The following CDH4 variants were observed in gnomAD, a reference collection of about 807,000 sequenced individuals.
CDH4 encodes the protein cadherin-4.
CDH4 carries 33 observed loss-of-function variants against 86.0 expected under a neutral mutation model. The ratio of observed to expected loss-of-function variants is 0.38; its 90% CI spans 0.29 to 0.51. CDH4 has a LOEUF of 0.51. Ranked by LOEUF, CDH4 falls within the 20% of genes least tolerant of loss-of-function variation. CDH4 has a pLI of 0.86. For missense variants in CDH4, 1,114 were observed against 1,307.4 expected, an observed-to-expected ratio of 0.85 and a Z score of 2.28; for synonymous variants, 555 against 549.4, an observed-to-expected ratio of 1.01 and a Z score of -0.14.
At chr20:61,668,005 A>T (rs1360318356) in intron 2 of CDH4, among the ~76,000 whole-genome samples, 2 of 152,228 alleles carry the variant, frequency 1.3e-5, no homozygotes, top group Admixed American at 1.3e-4. Context: ...GGCTGGAAGC[A>T]CTTTGTTGCC....
intron 2 of CDH4, chr20:61,499,590 C>T: frequency 8.8e-7 from 1 of 1,142,238 alleles, no homozygotes; most frequent in Middle Eastern, 3.0e-4. Context: ...TGAGGTCACA[C>T]AGGGAGGAGG....
intron 2 of CDH4, among the ~76,000 whole-genome samples, chr20:61,470,392 C>A (rs372285939): frequency 4.9e-4 from 68 of 139,016 alleles, no homozygotes; most frequent in African/African-American, 1.6e-3. Context: ...GATTTTGTAT[C>A]CTGCAACTTC....
At chr20:61,345,858 G>A (rs754852249) in intron 2 of CDH4, among the ~76,000 whole-genome samples, 9 of 152,156 alleles carry the variant, frequency 5.9e-5, no homozygotes, top group East Asian at 1.9e-4. Context: ...GAGGAGAGGC[G>A]CTCTCCAAGG....
chr20:61,387,858 C>A (rs116137245), intron 2 of CDH4, among the ~76,000 whole-genome samples: 2 of 152,134 alleles, frequency 1.3e-5, no homozygotes, highest in African/African-American at 4.8e-5. Flanking sequence ...GGCCCCACCC[C>A]CCTCTGGCCC....
chr20:61,886,846 C>T (rs1357317043), intron 7 of CDH4, among the ~76,000 whole-genome samples: 2 of 152,188 alleles, frequency 1.3e-5, no homozygotes, highest in African/African-American at 4.8e-5. Context: ...GTTGGGGCAC[C>T]GGGAGGAGGT....
intron 2 of CDH4, among the ~76,000 whole-genome samples, chr20:61,608,632 C>T (rs75176028): frequency 0.018 from 2,743 of 152,336 alleles, 89 homozygotes; most frequent in African/African-American, 0.062. Context: ...CACCACAGCT[C>T]GCACTGCTCC....
chr20:61,746,285 C>A (rs1237884574), intron 3 of CDH4, among the ~76,000 whole-genome samples: 2 of 152,194 alleles, frequency 1.3e-5, no homozygotes, highest in Non-Finnish European at 2.9e-5. Context: ...AGCCCTGAGT[C>A]CCTGAGACAT....
At chr20:61,376,507 A>G (rs1399472872) in intron 2 of CDH4, among the ~76,000 whole-genome samples, 1 of 152,138 alleles carries the variant, frequency 6.6e-6, no homozygotes, top group Non-Finnish European at 1.5e-5. Flanking sequence ...AGGGACTGAG[A>G]GGGACATGGT....
At chr20:61,597,208 T>C (rs1042116453) in intron 2 of CDH4, among the ~76,000 whole-genome samples, 1 of 152,202 alleles carries the variant, frequency 6.6e-6, no homozygotes, top group African/African-American at 2.4e-5. Context: ...GTGAATTTGT[T>C]GGTCGTCCAA....
intron 2 of CDH4, among the ~76,000 whole-genome samples, chr20:61,604,422 A>G (rs1421874252): frequency 6.6e-6 from 1 of 152,224 alleles, no homozygotes; most frequent in Non-Finnish European, 1.5e-5. Flanking sequence ...CAGGACTCCA[A>G]ATGGGAACAT....
chr20:61,380,447 G>T (rs970657806), intron 2 of CDH4, among the ~76,000 whole-genome samples: 1 of 152,086 alleles, frequency 6.6e-6, no homozygotes, highest in African/African-American at 2.4e-5. Context: ...ATAGATGAGT[G>T]ATCGGGTTTG....
chr20:61,671,468 C>T (rs2087386104), intron 2 of CDH4, among the ~76,000 whole-genome samples: 2 of 152,030 alleles, frequency 1.3e-5, no homozygotes, highest in South Asian at 2.1e-4. Context: ...TGCACTCCAG[C>T]GTGGGCAACA....
chr20:61,666,538 G>A (rs1360202081), intron 2 of CDH4, among the ~76,000 whole-genome samples: 1 of 152,206 alleles, frequency 6.6e-6, no homozygotes, highest in African/African-American at 2.4e-5. Flanking sequence ...GGCTGATGCT[G>A]GCCGAGGTCC....
At chr20:61,285,928 C>T (rs115930593) in intron 2 of CDH4, among the ~76,000 whole-genome samples, 2,215 of 152,314 alleles carry the variant, frequency 0.015, 76 homozygotes, top group East Asian at 0.13. Flanking sequence ...GCAGGAAAGG[C>T]GGCTCAGAGG....
rs1374469270 is a variant in CDH4, at chr20:61,383,098, TGAA to T, written c.169+128162_169+128164del. On this transcript the variant is annotated intron_variant, in intron 2 of 15. Transcript: ENST00000614565. ...TATAATATATATATGAATATATATA[TGAA>T]TATATTATATATAGAATATATATGA... 3.4e-4 allele frequency among the ~76,000 whole-genome samples: 28 copies of T among 82,630 alleles called. 2 individuals carry two copies. The South Asian group carries it at 5.7e-3, about 17-fold the overall frequency. The allele number at this position is 82,630 out of a possible 152,430, so 54.2% of individuals were successfully genotyped here. A position where few individuals can be genotyped will look rare whatever the true frequency, so the allele number is the denominator to read the frequency against.
chr20:61,447,056 C>G (rs185186963), intron 2 of CDH4, among the ~76,000 whole-genome samples: 1 of 152,052 alleles, frequency 6.6e-6, no homozygotes, highest in Admixed American at 6.5e-5. Context: ...TGGAGGAATT[C>G]TTTGTATACT....
At chr20:61,347,736 C>T (rs767795386) in intron 2 of CDH4, among the ~76,000 whole-genome samples, 5 of 152,204 alleles carry the variant, frequency 3.3e-5, no homozygotes, top group Middle Eastern at 3.2e-3. Context: ...AGCGCCAACT[C>T]GCCTTCTTTG....
chr20:61,361,357 A>G lies in CDH4; in HGVS notation c.169+106420A>G, dbSNP rs532736980. Among the ~76,000 whole-genome samples, 42 of 152,280 alleles carry G rather than the reference A, an allele frequency of 2.8e-4. No individual in the cohort carries two copies. The South Asian group carries it at 8.3e-3, about 30-fold the overall frequency. On this transcript the variant is annotated intron_variant, in intron 2 of 15. Coordinates refer to ENST00000614565, the MANE Select transcript of CDH4 (RefSeq NM_001794.5). ...TTAGCTTTCATGATCACATGTGTCA[A>G]AAAAGAGAAGGGAGAACTTGTAGAA...
At chr20:61,597,559 C>T (rs62200484) in intron 2 of CDH4, among the ~76,000 whole-genome samples, 30,499 of 152,172 alleles carry the variant, frequency 0.2, 3,165 homozygotes, top group Middle Eastern at 0.29. Context: ...ACAGAGGGGC[C>T]GGTTACTTCA....
Sources: allele counts gnomAD v4.1 joint callset (sites outside exome capture counted in the v4.1 genomes callset), GRCh38; gene constraint gnomAD v4.1.1; transcripts MANE v1.5; gene names NCBI Gene and HGNC (gene_info 2026-07-23, HGNC 2026-07-21).